The following CLSTN2 variants were observed in gnomAD, a reference collection of about 807,000 sequenced individuals.
The protein encoded by CLSTN2 is calsyntenin-2.
Under a neutral mutation model 101.2 loss-of-function variants are expected in CLSTN2, and 48 were observed. The ratio of observed to expected loss-of-function variants is 0.47; its 90% CI spans 0.38 to 0.60. The LOEUF (loss-of-function observed/expected upper bound fraction) is 0.60, where lower values mean the gene tolerates loss of function less well. CLSTN2 is among the 20% of genes least tolerant of loss of function. The pLI is 0.00. For missense variants in CLSTN2, 1,160 were observed against 1,238.2 expected (o/e 0.94, Z 0.95); for synonymous variants, 481 against 463.6 (o/e 1.04, Z -0.48).
intron 8 of CLSTN2, among the ~76,000 whole-genome samples, chr3:140,509,155 A>G (rs1225977948): frequency 6.6e-6 from 1 of 152,124 alleles, no homozygotes; most frequent in Non-Finnish European, 1.5e-5. Context: ...AATTGAGTGA[A>G]TTTCACAGCA....
At chr3:140,482,893 G>T (rs1374501238) in intron 8 of CLSTN2, among the ~76,000 whole-genome samples, 6 of 152,068 alleles carry the variant, frequency 3.9e-5, no homozygotes, top group Non-Finnish European at 7.4e-5. Flanking sequence ...CAAAAGACCA[G>T]CTCCTGGATT....
chr3:140,283,360 C>T lies in CLSTN2; in HGVS notation c.232+107287C>T, dbSNP rs191691370. On this transcript the variant is annotated intron_variant, in intron 2 of 16. Transcript: ENST00000458420. ...AAGTCGTACTTTTTCAGGTTGTACACATGCCTGCACACACTAGTACACCTG... is the reference window on the plus strand; with the variant it reads ...AAGTCGTACTTTTTCAGGTTGTACATATGCCTGCACACACTAGTACACCTG... 5.9e-5 allele frequency among the ~76,000 whole-genome samples: 9 copies of T among 152,304 alleles called. No homozygotes were observed. In the East Asian group the frequency reaches 1.7e-3, roughly 29 times the overall value.
At chr3:140,075,336 A>G (rs935409537) in intron 1 of CLSTN2, among the ~76,000 whole-genome samples, 2 of 152,188 alleles carry the variant, frequency 1.3e-5, no homozygotes, top group Non-Finnish European at 2.9e-5. Flanking sequence ...TGCTTCAGCC[A>G]AATCCTGCAT....
chr3:139,970,981 T>A (rs1935692352), intron 1 of CLSTN2, among the ~76,000 whole-genome samples: 1 of 152,186 alleles, frequency 6.6e-6, no homozygotes, highest in Non-Finnish European at 1.5e-5. Flanking sequence ...GTAGGCAACA[T>A]TGCTTTTAAT....
chr3:140,307,126 A>G (rs1018082796), intron 2 of CLSTN2, among the ~76,000 whole-genome samples: 1 of 152,118 alleles, frequency 6.6e-6, no homozygotes, highest in Non-Finnish European at 1.5e-5. Flanking sequence ...TCCATGTAAG[A>G]TATGACTTGC....
At chr3:140,216,246 A>G (rs4683483) in intron 2 of CLSTN2, among the ~76,000 whole-genome samples, 149,845 of 152,154 alleles carry the variant, frequency 0.98, 73,826 homozygotes, top group East Asian at 1. Context: ...ATTATCTTCC[A>G]TGAAACCGGT....
At chr3:140,548,389 A>C (rs1300314263) in intron 10 of CLSTN2, among the ~76,000 whole-genome samples, 2 of 152,206 alleles carry the variant, frequency 1.3e-5, no homozygotes, top group Non-Finnish European at 2.9e-5. Flanking sequence ...CTTGTACATG[A>C]GGAACGAAAG....
intron 2 of CLSTN2, among the ~76,000 whole-genome samples, chr3:140,368,700 C>G (rs951823079): frequency 6.6e-6 from 1 of 152,106 alleles, no homozygotes; most frequent in Non-Finnish European, 1.5e-5. Context: ...AAGAGCCCAC[C>G]ACCTGTGCAA....
intron 2 of CLSTN2, among the ~76,000 whole-genome samples, chr3:140,224,017 G>A (rs1025720248): frequency 2.0e-5 from 3 of 152,164 alleles, no homozygotes; most frequent in African/African-American, 7.2e-5. Flanking sequence ...AGGTGAATTA[G>A]CCCTGGGAAA....
At chr3:139,954,770 G>T (rs1176951698) in intron 1 of CLSTN2, among the ~76,000 whole-genome samples, 1 of 152,022 alleles carries the variant, frequency 6.6e-6, no homozygotes, top group Non-Finnish European at 1.5e-5. Flanking sequence ...TCCTTCCCCT[G>T]TATCCACCAT....
At chr3:139,995,356 T>C (rs1936184855) in intron 1 of CLSTN2, among the ~76,000 whole-genome samples, 1 of 152,206 alleles carries the variant, frequency 6.6e-6, no homozygotes, top group African/African-American at 2.4e-5. Flanking sequence ...AATACGCTAT[T>C]GTCTATCCTG....
intron 1 of CLSTN2, among the ~76,000 whole-genome samples, chr3:140,095,112 C>T (rs1178938670): frequency 6.6e-6 from 1 of 152,224 alleles, no homozygotes; most frequent in East Asian, 1.9e-4. Flanking sequence ...ATTCTACTAA[C>T]TTAATTTCTC....
chr3:140,451,557 C>T (rs576225244), intron 6 of CLSTN2, among the ~76,000 whole-genome samples: 2 of 152,280 alleles, frequency 1.3e-5, no homozygotes, highest in Admixed American at 1.3e-4. Context: ...AGAAGCCTGG[C>T]TTTTGAACTG....
intron 2 of CLSTN2, among the ~76,000 whole-genome samples, chr3:140,302,582 C>T (rs192080449): frequency 6.6e-6 from 1 of 152,300 alleles, no homozygotes; most frequent in African/African-American, 2.4e-5. Context: ...GGCTAGTAAA[C>T]GTTGCCTGAA....
At chr3:140,027,597 T>C (rs1304244797) in intron 1 of CLSTN2, among the ~76,000 whole-genome samples, 1 of 152,122 alleles carries the variant, frequency 6.6e-6, no homozygotes, top group African/African-American at 2.4e-5. Context: ...TAATATAGAC[T>C]CCATGATTCT....
chr3:140,273,843 A>G (rs1205533913), intron 2 of CLSTN2, among the ~76,000 whole-genome samples: 1 of 152,164 alleles, frequency 6.6e-6, no homozygotes, highest in African/African-American at 2.4e-5. Flanking sequence ...AGTTCATATC[A>G]CTACAAAGAA....
chr3:140,119,082 G>A (rs924757875), intron 1 of CLSTN2, among the ~76,000 whole-genome samples: 2 of 152,246 alleles, frequency 1.3e-5, no homozygotes, highest in African/African-American at 2.4e-5. Context: ...GGCCCCAGGA[G>A]GGGCAAAATG....
intron 1 of CLSTN2, among the ~76,000 whole-genome samples, chr3:139,976,120 T>G (rs1195456564): frequency 6.6e-6 from 1 of 152,222 alleles, no homozygotes. Flanking sequence ...TCCAACACTC[T>G]GTCACCAAAT....
intron 2 of CLSTN2, among the ~76,000 whole-genome samples, chr3:140,284,044 G>C (rs973038520): frequency 2.0e-5 from 3 of 152,160 alleles, no homozygotes; most frequent in Non-Finnish European, 4.4e-5. Flanking sequence ...GCTAGTATGT[G>C]CTTTTGGCAA....
Sources: allele counts gnomAD v4.1 joint callset (sites outside exome capture counted in the v4.1 genomes callset), GRCh38; gene constraint gnomAD v4.1.1; transcripts MANE v1.5; gene names NCBI Gene and HGNC (gene_info 2026-07-23, HGNC 2026-07-21).